The following ARFGEF1 variants were observed in gnomAD, a reference collection of about 807,000 sequenced individuals.
The protein encoded by ARFGEF1 is brefeldin A-inhibited guanine nucleotide-exchange protein 1.
In ARFGEF1, 42 loss-of-function variants were observed where a neutral mutation model predicts 231.0. The ratio of observed to expected loss-of-function variants is 0.18; its 90% confidence interval spans 0.14 to 0.24. The LOEUF is 0.24. Ranked by LOEUF, ARFGEF1 falls within the 10% of genes least tolerant of loss-of-function variation. The pLI is 1.00. For missense variants in ARFGEF1, 1,345 were observed against 2,192.0 expected (o/e 0.61, Z 7.72); for synonymous variants, 710 against 732.3 (o/e 0.97, Z 0.49).
intron 19 of ARFGEF1, among the ~76,000 whole-genome samples, chr8:67,240,702 TTTTC>T (rs1401593818): frequency 1.3e-5 from 2 of 152,204 alleles, no homozygotes; most frequent in African/African-American, 4.8e-5. Context: ...CATTATTATC[TTTTC>T]TTTAAGCCCA....
rs1288853557 is a variant in ARFGEF1, at chr8:67,288,289, AT to A, written c.917-225del. On this transcript the variant is annotated intron_variant, in intron 6 of 38. Transcript: ENST00000262215. ...ATTTCAATGATTCCTTTGACAAGCT[AT>A]TACATTATTACACTTAACTGAATTT... Among the ~76,000 whole-genome samples the A allele has an allele frequency of 2.8e-4, 42 of 150,528 alleles. 1 individual carries two copies. The highest frequency in any genetic ancestry group is 1.1e-3 in the African/African-American group (42 of 39,862).
At chr8:67,333,332 CTTTT>C (rs35291856) in intron 1 of ARFGEF1, among the ~76,000 whole-genome samples, 9 of 142,090 alleles carry the variant, frequency 6.3e-5, no homozygotes, top group Non-Finnish European at 7.7e-5. Flanking sequence ...CATGCCTGGC[CTTTT>C]TTTTTTTTTT....
At chr8:67,289,109 A>G (rs1805887757) in intron 6 of ARFGEF1, among the ~76,000 whole-genome samples, 1 of 152,150 alleles carries the variant, frequency 6.6e-6, no homozygotes, top group Admixed American at 6.5e-5. Flanking sequence ...TAAAATGTTG[A>G]AAATATGTCA....
intron 8 of ARFGEF1, 74 bp from the exon 9 acceptor site, chr8:67,276,183 T>C: frequency 2.0e-6 from 3 of 1,500,798 alleles, no homozygotes; most frequent in Middle Eastern, 1.7e-4. Flanking sequence ...TTCTACTGTA[T>C]TTCATTCAAT....
At chr8:67,235,710 T>A (rs1839707666) in intron 22 of ARFGEF1, among the ~76,000 whole-genome samples, 1 of 151,488 alleles carries the variant, frequency 6.6e-6, no homozygotes, top group South Asian at 2.1e-4. Context: ...AACTTTAATT[T>A]AAAAAAAAGT....
At chr8:67,255,191 A>G (rs545104856) in intron 17 of ARFGEF1, among the ~76,000 whole-genome samples, 1 of 152,340 alleles carries the variant, frequency 6.6e-6, no homozygotes, top group African/African-American at 2.4e-5. Context: ...GGTCCCCAAA[A>G]TAAGTGCACT....
chr8:67,305,539 G>A (rs1806700586), intron 1 of ARFGEF1, among the ~76,000 whole-genome samples: 1 of 152,120 alleles, frequency 6.6e-6, no homozygotes, highest in Non-Finnish European at 1.5e-5. Context: ...TAGAGACGGG[G>A]TTTCTCCATG....
chr8:67,209,216 A>G (rs1394356325), intron 34 of ARFGEF1, among the ~76,000 whole-genome samples: 1 of 152,264 alleles, frequency 6.6e-6, no homozygotes, highest in Non-Finnish European at 1.5e-5. Context: ...AAATGGATAA[A>G]CAAAATGTGG....
intron 5 of ARFGEF1, chr8:67,179,830 A>G (rs1202577343): frequency 6.8e-7 from 1 of 1,472,812 alleles, no homozygotes; most frequent in South Asian, 1.2e-5. Context: ...CACAAAACTA[A>G]TAAAAATAGT....
At chr8:67,317,429 T>C (rs1224202244) in intron 1 of ARFGEF1, among the ~76,000 whole-genome samples, 3 of 152,054 alleles carry the variant, frequency 2.0e-5, no homozygotes, top group African/African-American at 7.3e-5. Flanking sequence ...AGAACCAAAT[T>C]ATGATGTAGT....
chr8:67,239,083 T>C (rs1296326745), intron 20 of ARFGEF1, among the ~76,000 whole-genome samples, 190 bp from the exon 21 acceptor site: 1 of 151,918 alleles, frequency 6.6e-6, no homozygotes, highest in African/African-American at 2.4e-5. Flanking sequence ...CTCGGCTCAC[T>C]GCGACCTCCG....
At chr8:67,325,409 T>C (rs1054805296) in intron 1 of ARFGEF1, among the ~76,000 whole-genome samples, 1 of 152,182 alleles carries the variant, frequency 6.6e-6, no homozygotes, top group African/African-American at 2.4e-5. Context: ...TACTTTCTCA[T>C]CTCACCAGTC....
intron 22 of ARFGEF1, among the ~76,000 whole-genome samples, chr8:67,235,103 T>C (rs1839681346): frequency 7.9e-6 from 1 of 126,320 alleles, no homozygotes; most frequent in South Asian, 2.3e-4. Context: ...TGTGTGTGTA[T>C]ATATATACAC....
intron 29 of ARFGEF1, among the ~76,000 whole-genome samples, chr8:67,222,911 A>C (rs1211198232): frequency 6.6e-6 from 1 of 152,144 alleles, no homozygotes; most frequent in Non-Finnish European, 1.5e-5. Context: ...AGATACACAA[A>C]CACCACCGTA....
Position 67,247,716 on chromosome 8 carries a change from G to T in ARFGEF1, c.2850+3583C>A, listed in dbSNP as rs973505883. Among the ~76,000 whole-genome samples the T allele has an allele frequency of 3.3e-5, 5 of 150,358 alleles. 1 individual carries two copies. Among genetic ancestry groups the T allele is most frequent in the African/African-American group, 1.2e-4 (5 of 40,344 alleles). ...AAAGTACTGAAAGAACTAGCTGGAG[G>T]AATCAGAAAAGAGAAAGAAATAAAA... is the stretch of plus-strand genomic sequence containing the variant. On this transcript the variant is annotated intron_variant, in intron 19 of 38. Transcript: ENST00000262215.
chr8:67,326,532 T>G (rs1365659272), intron 1 of ARFGEF1, among the ~76,000 whole-genome samples: 1 of 152,240 alleles, frequency 6.6e-6, no homozygotes, highest in Admixed American at 6.5e-5. Flanking sequence ...TTAGGTTTCT[T>G]TTTTGTGATG....
At chr8:67,290,741 G>A (rs1336966324) in intron 6 of ARFGEF1, among the ~76,000 whole-genome samples, 1 of 152,124 alleles carries the variant, frequency 6.6e-6, no homozygotes, top group Non-Finnish European at 1.5e-5. Flanking sequence ...GTGAAAGTGG[G>A]GGAAATTTTG....
intron 19 of ARFGEF1, among the ~76,000 whole-genome samples, chr8:67,248,908 G>A (rs1840186249): frequency 6.6e-6 from 1 of 150,548 alleles, no homozygotes; most frequent in Admixed American, 6.6e-5. Context: ...GTGCAATAAT[G>A]TTTGAAGACT....
chr8:67,219,597 A>G (rs1446342613), intron 29 of ARFGEF1, 37 bp from the exon 30 acceptor site: 3 of 1,550,800 alleles, frequency 1.9e-6, no homozygotes, highest in Admixed American at 4.0e-5. Context: ...GCTGTAATAC[A>G]AAAAAGCATA....
Sources: allele counts gnomAD v4.1 joint callset (sites outside exome capture counted in the v4.1 genomes callset), GRCh38; gene constraint gnomAD v4.1.1; transcripts MANE v1.5; gene names NCBI Gene and HGNC (gene_info 2026-07-23, HGNC 2026-07-21).